GPC3: variants seen among roughly 807,000 people sequenced by gnomAD.
The protein encoded by GPC3 is glypican-3.
Under a neutral mutation model 34.4 loss-of-function variants are expected in GPC3, and 3 were observed. The observed-to-expected ratio is 0.09, with a 90% CI of 0.04 to 0.23. GPC3 has a LOEUF of 0.23. Ranked by LOEUF, GPC3 falls within the 10% of genes least tolerant of loss-of-function variation. The pLI is 1.00. For synonymous variants in GPC3, 177 were observed against 174.0 expected, an observed-to-expected ratio of 1.02 and a Z score of -0.13; for missense variants, 351 against 445.6, an observed-to-expected ratio of 0.79 and a Z score of 1.91.
chrX:133,925,852 AC>A (rs1485543516), intron 2 of GPC3, among the ~76,000 whole-genome samples: 2 of 111,816 alleles, frequency 1.8e-5, no homozygotes, highest in Non-Finnish European at 3.8e-5. Context: ...GTAGAAACCT[AC>A]TTGAGTAGAA....
intron 5 of GPC3, among the ~76,000 whole-genome samples, chrX:133,663,086 T>C (rs910713812): frequency 9.0e-6 from 1 of 111,288 alleles, no homozygotes; most frequent in Non-Finnish European, 1.9e-5. Flanking sequence ...CACCTACATA[T>C]ACTAATAGGT....
At chrX:133,819,539 G>C (rs756153499) in intron 2 of GPC3, among the ~76,000 whole-genome samples, 1 of 110,899 alleles carries the variant, frequency 9.0e-6, no homozygotes, top group African/African-American at 3.3e-5. Flanking sequence ...TGGTATAATA[G>C]ATGACATTTG....
intron 2 of GPC3, among the ~76,000 whole-genome samples, chrX:133,761,220 T>C (rs1171668353): frequency 8.9e-6 from 1 of 112,285 alleles, no homozygotes; most frequent in Non-Finnish European, 1.9e-5. Context: ...ATGTTATTTT[T>C]AAATACTAAA....
chrX:133,779,760 T>A (rs968876022), intron 2 of GPC3, among the ~76,000 whole-genome samples: 13 of 107,993 alleles, frequency 1.2e-4, no homozygotes, highest in Non-Finnish European at 2.3e-4. Context: ...AAACAGAAGG[T>A]GGGTCATATC....
intron 2 of GPC3, among the ~76,000 whole-genome samples, chrX:133,920,106 A>G (rs2076241735): frequency 9.2e-6 from 1 of 109,180 alleles, no homozygotes; most frequent in African/African-American, 3.3e-5. Flanking sequence ...TCGAGGCTGC[A>G]GTGAGCTTGA....
intron 1 of GPC3, among the ~76,000 whole-genome samples, chrX:133,973,416 T>A (rs1262948624): frequency 8.9e-6 from 1 of 112,525 alleles, no homozygotes; most frequent in Non-Finnish European, 1.9e-5. Flanking sequence ...TATAAAGTAA[T>A]TGACATATAG....
At chrX:133,715,449 T>C (rs896475402) in intron 3 of GPC3, among the ~76,000 whole-genome samples, 2 of 111,758 alleles carry the variant, frequency 1.8e-5, no homozygotes, top group Admixed American at 1.9e-4. Flanking sequence ...CTCCCTTTCA[T>C]ATATGCATCT....
intron 6 of GPC3, among the ~76,000 whole-genome samples, chrX:133,622,389 C>G (rs750092109): frequency 2.6e-4 from 29 of 111,635 alleles, no homozygotes; most frequent in African/African-American, 8.4e-4. Flanking sequence ...TCAAGCCCAT[C>G]GCAAAGAAGC....
intron 2 of GPC3, among the ~76,000 whole-genome samples, chrX:133,812,525 G>C (rs891992391): frequency 1.8e-5 from 2 of 111,906 alleles, no homozygotes; most frequent in Non-Finnish European, 3.8e-5. Context: ...GCTTCACTGT[G>C]AATTGATCTT....
intron 4 of GPC3, among the ~76,000 whole-genome samples, chrX:133,699,279 T>C (rs2071144612): frequency 8.9e-6 from 1 of 111,764 alleles, no homozygotes; most frequent in African/African-American, 3.3e-5. Flanking sequence ...GTAGGGCACT[T>C]CTTCTAGAAT....
intron 2 of GPC3, among the ~76,000 whole-genome samples, chrX:133,949,000 A>G (rs1280568850): frequency 8.9e-6 from 1 of 112,230 alleles, no homozygotes; most frequent in African/African-American, 3.2e-5. Flanking sequence ...TTTTCAAGAT[A>G]CTTTCACATT....
At position 133,841,215 on chromosome X, in the gene GPC3, A is replaced by ATTTTTTTTT. The variant is rs769696321; in HGVS notation, c.338-87048_338-87040dup. On this transcript the variant is annotated intron_variant, in intron 2 of 7. Transcript: ENST00000370818. The stretch of plus-strand genomic sequence containing the variant: ...ACCACCATGCCTGGCTAATCTTTTA[A>ATTTTTTTTT]TTTTTTTTTTTTTTTTTTTTTTTGG... Among the ~76,000 whole-genome samples the ATTTTTTTTT allele has an allele frequency of 2.4e-3, 93 of 39,237 alleles. 15 individuals carry two copies. Among genetic ancestry groups the ATTTTTTTTT allele is most frequent in the African/African-American group, 3.1e-3 (45 of 14,327 alleles). 34.1% of individuals were successfully genotyped at this position (39,237 alleles called of 115,157 possible). A position where few individuals can be genotyped will look rare whatever the true frequency, so the allele number is the denominator to read the frequency against.
intron 7 of GPC3, among the ~76,000 whole-genome samples, chrX:133,556,625 G>A (rs1308160481): frequency 9.1e-6 from 1 of 109,406 alleles, no homozygotes; most frequent in East Asian, 3.0e-4. Context: ...CTGTATGGGG[G>A]ACAAGTTACA....
intron 6 of GPC3, among the ~76,000 whole-genome samples, chrX:133,615,197 A>T (rs2070148459): frequency 8.9e-6 from 1 of 111,757 alleles, no homozygotes; most frequent in African/African-American, 3.2e-5. Context: ...CATTCTATGA[A>T]GTCAGTGCTA....
At chrX:133,786,831 T>A (rs1442219255) in intron 2 of GPC3, among the ~76,000 whole-genome samples, 1 of 111,782 alleles carries the variant, frequency 8.9e-6, no homozygotes, top group Non-Finnish European at 1.9e-5. Flanking sequence ...ATTTTCCTGG[T>A]CATGTGACAA....
At chrX:133,844,195 A>G (rs2075837786) in intron 2 of GPC3, among the ~76,000 whole-genome samples, 1 of 112,119 alleles carries the variant, frequency 8.9e-6, no homozygotes, top group South Asian at 3.7e-4. Flanking sequence ...TATAAGATGA[A>G]TAAGTTCTGT....
chrX:133,936,092 T>G (rs751499517), intron 2 of GPC3, among the ~76,000 whole-genome samples: 145 of 108,066 alleles, frequency 1.3e-3, no homozygotes, highest in Non-Finnish European at 1.9e-3. Context: ...ATTATTATTA[T>G]TATCATTATT....
intron 3 of GPC3, among the ~76,000 whole-genome samples, chrX:133,723,893 A>T (rs1017694314): frequency 8.0e-5 from 9 of 112,279 alleles, no homozygotes; most frequent in East Asian, 5.6e-4. Context: ...AGATTTCCTT[A>T]TCATTAGTGT....
intron 1 of GPC3, among the ~76,000 whole-genome samples, chrX:133,958,728 A>C (rs1328453138): frequency 3.1e-4 from 33 of 105,650 alleles, no homozygotes; most frequent in Non-Finnish European, 5.3e-4. Context: ...AAAAAACAAA[A>C]AAAAAAAACA....
Sources: allele counts gnomAD v4.1 joint callset (sites outside exome capture counted in the v4.1 genomes callset), GRCh38; gene constraint gnomAD v4.1.1; transcripts MANE v1.5; gene names NCBI Gene and HGNC (gene_info 2026-07-23, HGNC 2026-07-21).